Variants in USP13 observed in about 807,000 individuals in gnomAD.
USP13 encodes ubiquitin specific peptidase 13.
A neutral mutation model predicts 107.8 loss-of-function variants in USP13; 68 were observed. That is an observed-to-expected ratio of 0.63 (90% CI 0.52 to 0.77). USP13 has a LOEUF of 0.77. Ranked by LOEUF, USP13 falls within the 30% of genes least tolerant of loss-of-function variation. The probability of loss-of-function intolerance (pLI) is 0.00; values close to 1 mark genes in which losing one functional copy is unlikely to be tolerated. For missense variants in USP13, 945 were observed against 1,093.3 expected, an observed-to-expected ratio of 0.86 and a Z score of 1.91; for synonymous variants, 377 against 389.5, an observed-to-expected ratio of 0.97 and a Z score of 0.38.
intron 1 of USP13, among the ~76,000 whole-genome samples, chr3:179,679,794 GTTTTTTTTTTT>G (rs57620088): frequency 4.1e-4 from 40 of 97,446 alleles, no homozygotes; most frequent in South Asian, 2.0e-3. Flanking sequence ...CCTATCCTTA[GTTTTTTTTTTT>G]TTTTTTTTTT....
At chr3:179,741,108 G>A (rs1006147556) in intron 11 of USP13, among the ~76,000 whole-genome samples, 1 of 151,748 alleles carries the variant, frequency 6.6e-6, no homozygotes, top group African/African-American at 2.4e-5. Context: ...GGTTACAACA[G>A]TGTTCTTTGT....
In USP13 at chr3:179,688,425, A is replaced by G. The variant is rs1016185655; in HGVS notation, c.295-1816A>G. Among the ~76,000 whole-genome samples, 3 of 152,200 alleles carry G rather than the reference A, an allele frequency of 2.0e-5. No homozygotes were observed. The South Asian group carries it at 6.2e-4, about 31-fold the overall frequency. On this transcript the variant is annotated intron_variant, in intron 2 of 20. Transcript: ENST00000263966. ...TTGTTTACATATATGCTCCCCTACT[A>G]TGCTGGCTAGCTCCTTAAAAGATGG...
chr3:179,755,557 C>A (rs980274633), intron 15 of USP13, among the ~76,000 whole-genome samples: 3 of 152,216 alleles, frequency 2.0e-5, no homozygotes, highest in African/African-American at 7.2e-5. Flanking sequence ...CTCAGCCTCC[C>A]AAAGTGTTGG....
At chr3:179,751,381 T>C (rs1439097398) in intron 13 of USP13, among the ~76,000 whole-genome samples, 3 of 152,214 alleles carry the variant, frequency 2.0e-5, no homozygotes, top group East Asian at 3.9e-4. Context: ...CTAGGATCCA[T>C]GTGGCCATGG....
intron 19 of USP13, among the ~76,000 whole-genome samples, chr3:179,773,901 T>G (rs141999991): frequency 1.3e-5 from 2 of 152,286 alleles, no homozygotes; most frequent in East Asian, 3.9e-4. Context: ...AATCTACAAG[T>G]TAGCAGGTAA....
At chr3:179,760,489 T>C (rs1044781627) in intron 16 of USP13, among the ~76,000 whole-genome samples, 2 of 152,054 alleles carry the variant, frequency 1.3e-5, no homozygotes, top group South Asian at 2.1e-4. Context: ...TTCACCGTGT[T>C]AGCCAGGATG....
intron 20 of USP13, among the ~76,000 whole-genome samples, chr3:179,782,126 A>G (rs1197386420): frequency 1.3e-5 from 2 of 152,066 alleles, no homozygotes; most frequent in African/African-American, 4.8e-5. Flanking sequence ...TGTAATTGGA[A>G]CCTCCCTAGG....
At position 179,682,622 on chromosome 3, in the gene USP13, T is replaced by A. The variant is rs1417384806; in HGVS notation, c.294+619T>A. On this transcript the variant is annotated intron_variant, in intron 2 of 20. Transcript: ENST00000263966. The stretch of plus-strand genomic sequence containing the variant: ...TCCAAATGTTTCATTTCTTTTGGAA[T>A]CTGTCCATGTCGAGATACATCTGGA... 2.0e-5 allele frequency among the ~76,000 whole-genome samples: 3 copies of A among 152,226 alleles called. No individual in the cohort carries two copies. In the South Asian group the frequency reaches 6.2e-4, roughly 32 times the overall value.
intron 3 of USP13, among the ~76,000 whole-genome samples, chr3:179,695,323 C>T (rs780295966): frequency 6.6e-6 from 1 of 152,090 alleles, no homozygotes; most frequent in African/African-American, 2.4e-5. Flanking sequence ...ATTCCTTTTC[C>T]ATCAGCTCAA....
At chr3:179,684,314 T>TTTTG (rs952565481) in intron 2 of USP13, among the ~76,000 whole-genome samples, 24 of 63,766 alleles carry the variant, frequency 3.8e-4, no homozygotes, top group African/African-American at 1.5e-3. Context: ...CACACACACA[T>TTTTG]TTTGTTTGTT....
At chr3:179,659,070 T>C (rs1178413578) in intron 1 of USP13, among the ~76,000 whole-genome samples, 2 of 152,156 alleles carry the variant, frequency 1.3e-5, no homozygotes, top group Non-Finnish European at 2.9e-5. Flanking sequence ...AAGAAGGAGC[T>C]TTTTTCCCAT....
intron 13 of USP13, among the ~76,000 whole-genome samples, chr3:179,745,986 A>G (rs756121718): frequency 6.6e-6 from 1 of 152,030 alleles, no homozygotes; most frequent in African/African-American, 2.4e-5. Context: ...TTAATTGGAA[A>G]AAGAGTGCTT....
chr3:179,702,919 A>G (rs1236865457), intron 4 of USP13, among the ~76,000 whole-genome samples: 1 of 152,208 alleles, frequency 6.6e-6, no homozygotes, highest in Non-Finnish European at 1.5e-5. Context: ...GAGAAGAAAC[A>G]TTGTGAATAA....
chr3:179,736,862 G>A (rs769805231), intron 10 of USP13, among the ~76,000 whole-genome samples: 3 of 152,206 alleles, frequency 2.0e-5, no homozygotes, highest in African/African-American at 7.2e-5. Flanking sequence ...TTCCCAGAGC[G>A]GCTGCTTGCT....
At chr3:179,675,985 A>G (rs113945592) in intron 1 of USP13, among the ~76,000 whole-genome samples, 12,639 of 152,150 alleles carry the variant, frequency 0.083, 656 homozygotes, top group African/African-American at 0.14. Context: ...TAATCCCCAC[A>G]TGTCGTAGGA....
intron 1 of USP13, among the ~76,000 whole-genome samples, chr3:179,662,455 T>A (rs1294541978): frequency 6.6e-6 from 1 of 152,196 alleles, no homozygotes; most frequent in East Asian, 1.9e-4. Context: ...CTTTCCCTGC[T>A]GCTGGCCTAG....
intron 19 of USP13, among the ~76,000 whole-genome samples, chr3:179,767,272 C>G (rs535500806): frequency 7.9e-5 from 12 of 152,228 alleles, no homozygotes; most frequent in Admixed American, 5.2e-4. Flanking sequence ...ATTATTATCC[C>G]CATTTTACAG....
intron 10 of USP13, among the ~76,000 whole-genome samples, chr3:179,737,187 G>A (rs1435656774): frequency 7.9e-5 from 12 of 152,184 alleles, no homozygotes; most frequent in Non-Finnish European, 4.4e-5. Flanking sequence ...GTTGGCACAT[G>A]TATACCAAAA....
At chr3:179,766,533 C>G (rs1023513045) in intron 19 of USP13, among the ~76,000 whole-genome samples, 1 of 152,140 alleles carries the variant, frequency 6.6e-6, no homozygotes, top group African/African-American at 2.4e-5. Flanking sequence ...TATCGTTACC[C>G]GTACCAACTA....
Sources: allele counts gnomAD v4.1 joint callset (sites outside exome capture counted in the v4.1 genomes callset), GRCh38; gene constraint gnomAD v4.1.1; transcripts MANE v1.5; gene names NCBI Gene and HGNC (gene_info 2026-07-23, HGNC 2026-07-21).